Variants in NDST4 observed in about 807,000 individuals in gnomAD.
The protein encoded by NDST4 is N-heparan sulfate sulfotransferase 4.
A neutral mutation model predicts 100.8 loss-of-function variants in NDST4; 63 were observed. The ratio of observed to expected loss-of-function variants is 0.62; its 90% CI spans 0.51 to 0.77. NDST4 has a LOEUF of 0.77. Ranked by LOEUF, NDST4 falls within the 30% of genes least tolerant of loss-of-function variation. The probability of loss-of-function intolerance (pLI) is 0.00; values close to 1 mark genes in which losing one functional copy is unlikely to be tolerated. For missense variants in NDST4, 943 were observed against 1,018.4 expected (o/e 0.93, Z 1.01); for synonymous variants, 377 against 361.8 (o/e 1.04, Z -0.48).
At chr4:114,828,002 T>C in intron 13 of NDST4, 67 bp from the exon 14 acceptor site, 1 of 1,451,742 alleles carries the variant, frequency 6.9e-7, no homozygotes, top group Non-Finnish European at 9.3e-7. Context: ...TTGTAATCTA[T>C]ATTTCTTAAG....
At chr4:114,840,900 A>G (rs1193121562) in intron 10 of NDST4, among the ~76,000 whole-genome samples, 1 of 152,208 alleles carries the variant, frequency 6.6e-6, no homozygotes, top group East Asian at 1.9e-4. Flanking sequence ...AGTAAGTGGC[A>G]TACACTTTTG....
rs577665408 is a variant in NDST4, at chr4:114,938,636, A to G, written c.1222-1133T>C. Among the ~76,000 whole-genome samples the G allele has an allele frequency of 1.2e-4, 18 of 152,352 alleles. No individual in the cohort carries two copies. In the South Asian group the frequency reaches 3.5e-3, roughly 30 times the overall value. On this transcript the variant is annotated intron_variant, in intron 4 of 13. Transcript: ENST00000264363. ...AATTGCCATTTATATTTTCCATTAT[A>G]TGGTACACAGCATAGGAAAAGAATT...
At chr4:114,877,099 C>T (rs111773168) in intron 6 of NDST4, among the ~76,000 whole-genome samples, 24 of 152,008 alleles carry the variant, frequency 1.6e-4, no homozygotes, top group Admixed American at 5.2e-4. Flanking sequence ...CGTGCACGCG[C>T]GCAAGCCTGG....
intron 2 of NDST4, among the ~76,000 whole-genome samples, chr4:115,028,073 A>G (rs1251383111): frequency 6.6e-6 from 1 of 151,912 alleles, no homozygotes; most frequent in African/African-American, 2.4e-5. Flanking sequence ...AAAAAAAAAG[A>G]ATGATCCTGA....
intron 1 of NDST4, among the ~76,000 whole-genome samples, chr4:115,078,287 G>C (rs926899814): frequency 6.6e-6 from 1 of 152,086 alleles, no homozygotes; most frequent in Admixed American, 6.6e-5. Context: ...CTCACATGGT[G>C]GAAGCAGGAG....
At chr4:114,885,630 T>A (rs1724461752) in intron 6 of NDST4, among the ~76,000 whole-genome samples, 1 of 152,144 alleles carries the variant, frequency 6.6e-6, no homozygotes, top group Non-Finnish European at 1.5e-5. Flanking sequence ...TGACAAAAAG[T>A]TAAATGTTTT....
At chr4:114,936,145 A>G (rs1025220371) in intron 5 of NDST4, among the ~76,000 whole-genome samples, 8 of 152,180 alleles carry the variant, frequency 5.3e-5, no homozygotes, top group African/African-American at 1.9e-4. Flanking sequence ...ACAAGATCCA[A>G]TGATGTTTTA....
intron 6 of NDST4, among the ~76,000 whole-genome samples, chr4:114,880,602 T>A (rs2126200904): frequency 6.6e-6 from 1 of 152,262 alleles, no homozygotes; most frequent in African/African-American, 2.4e-5. Context: ...CATTTAGTTA[T>A]TCAAGCAATC....
intron 6 of NDST4, among the ~76,000 whole-genome samples, chr4:114,875,778 C>T (rs1724242461): frequency 6.6e-6 from 1 of 152,052 alleles, no homozygotes; most frequent in Admixed American, 6.6e-5. Context: ...CTTATTTTAT[C>T]CACAAAATAA....
chr4:114,906,532 T>C (rs1252351824), intron 6 of NDST4, among the ~76,000 whole-genome samples: 1 of 151,992 alleles, frequency 6.6e-6, no homozygotes, highest in Admixed American at 6.6e-5. Context: ...GTTCAGTTAA[T>C]TTCGCAGGCC....
At chr4:115,061,470 G>A (rs1728818082) in intron 2 of NDST4, among the ~76,000 whole-genome samples, 1 of 152,052 alleles carries the variant, frequency 6.6e-6, no homozygotes, top group South Asian at 2.1e-4. Flanking sequence ...CATGTCCTTT[G>A]CAGGAAAATG....
intron 11 of NDST4, 30 bp downstream of exon 11, chr4:114,839,348 A>G: frequency 6.4e-7 from 1 of 1,573,828 alleles, no homozygotes; most frequent in Non-Finnish European, 8.6e-7. Flanking sequence ...ATAATAAAAT[A>G]AACAGAAGAA....
At chr4:115,024,183 G>A (rs571490844) in intron 2 of NDST4, among the ~76,000 whole-genome samples, 1 of 152,236 alleles carries the variant, frequency 6.6e-6, no homozygotes, top group Admixed American at 6.5e-5. Flanking sequence ...AAAAACACAG[G>A]AGTGAAGCCA....
chr4:114,854,671 T>C (rs1282139980), intron 7 of NDST4, among the ~76,000 whole-genome samples: 1 of 152,154 alleles, frequency 6.6e-6, no homozygotes, highest in Admixed American at 6.5e-5. Flanking sequence ...GGTTTCACTA[T>C]GTTAGCCAGG....
At chr4:115,059,225 A>G (rs1004181594) in intron 2 of NDST4, among the ~76,000 whole-genome samples, 1 of 152,058 alleles carries the variant, frequency 6.6e-6, no homozygotes, top group Non-Finnish European at 1.5e-5. Context: ...TAACCAAAGA[A>G]AACAGATTAG....
At chr4:115,109,943 T>A (rs747545058) in intron 1 of NDST4, among the ~76,000 whole-genome samples, 1 of 151,954 alleles carries the variant, frequency 6.6e-6, no homozygotes, top group Non-Finnish European at 1.5e-5. Flanking sequence ...CCTGTTGGAA[T>A]GAAGAGTAAT....
chr4:115,043,598 G>T (rs1728399758), intron 2 of NDST4, among the ~76,000 whole-genome samples: 1 of 151,982 alleles, frequency 6.6e-6, no homozygotes, highest in African/African-American at 2.4e-5. Context: ...AGACGGAGTG[G>T]AATCCTGAAT....
intron 11 of NDST4, among the ~76,000 whole-genome samples, chr4:114,838,487 T>C (rs35247707): frequency 0.031 from 4,745 of 152,168 alleles, 121 homozygotes; most frequent in Non-Finnish European, 0.051. Flanking sequence ...ACTATGCAGC[T>C]ATAAAAAAGG....
intron 4 of NDST4, among the ~76,000 whole-genome samples, chr4:114,944,005 G>A (rs1725807724): frequency 1.3e-5 from 2 of 152,192 alleles, no homozygotes; most frequent in Admixed American, 1.3e-4. Flanking sequence ...CAAGTATAAT[G>A]ACTAAGGATT....
Sources: gnomAD v4.1 joint callset for allele counts (sites outside exome capture counted in the v4.1 genomes callset) on GRCh38, gnomAD v4.1.1 for gene constraint, MANE v1.5 for transcripts, NCBI Gene and HGNC (gene_info 2026-07-23, HGNC 2026-07-21) for gene names.